The following NOS1 variants were observed in gnomAD, a reference collection of about 807,000 sequenced individuals.
The protein encoded by NOS1 is nitric oxide synthase 1, also known as NOS type I.
In NOS1, 51 loss-of-function variants were observed where a neutral mutation model predicts 164.5. That is an observed-to-expected ratio of 0.31 (90% CI 0.25 to 0.39). The LOEUF (loss-of-function observed/expected upper bound fraction) is 0.39. Among genes scored for constraint, NOS1 ranks in the 10% least tolerant of loss-of-function variants. The pLI is 1.00. For missense variants in NOS1, 1,362 were observed against 1,885.6 expected, an observed-to-expected ratio of 0.72 and a Z score of 5.14; for synonymous variants, 719 against 745.8, an observed-to-expected ratio of 0.96 and a Z score of 0.59.
intron 3 of NOS1, among the ~76,000 whole-genome samples, chr12:117,304,045 G>A (rs569852803): frequency 3.0e-4 from 45 of 152,210 alleles, no homozygotes; most frequent in East Asian, 2.5e-3. Context: ...GGCGGCGTGC[G>A]CCTGTAGTCC....
intron 20 of NOS1, among the ~76,000 whole-genome samples, chr12:117,240,521 T>C (rs1053032308): frequency 1.3e-5 from 2 of 152,232 alleles, no homozygotes; most frequent in African/African-American, 2.4e-5. Flanking sequence ...GTGTAGCCAT[T>C]TGGCACACTG....
chr12:117,238,601 C>T (rs1219753613), intron 20 of NOS1, among the ~76,000 whole-genome samples: 3 of 152,042 alleles, frequency 2.0e-5, no homozygotes, highest in Non-Finnish European at 1.5e-5. Flanking sequence ...ACTGCAACCT[C>T]CACCTCCCAG....
chr12:117,276,791 T>G (rs754871223), intron 9 of NOS1, among the ~76,000 whole-genome samples: 13 of 152,238 alleles, frequency 8.5e-5, no homozygotes, highest in African/African-American at 4.8e-5. Flanking sequence ...GTTCCATCCA[T>G]GTTGTTACAA....
chr12:117,284,007 C>G (rs4767529), intron 7 of NOS1, among the ~76,000 whole-genome samples: 54,194 of 151,870 alleles, frequency 0.36, 9,853 homozygotes, highest in Middle Eastern at 0.41. Context: ...TTGGGAAAGA[C>G]ACCTAAATAC....
At chr12:117,335,414 A>G in intron 1 of NOS1, among the ~76,000 whole-genome samples, 1 of 152,172 alleles carries the variant, frequency 6.6e-6, no homozygotes, top group East Asian at 1.9e-4. Context: ...TGGAAACAAT[A>G]CTTGGACCCA....
rs564388160 is a variant in NOS1 at position 117,257,080 on chromosome 12, A to T, written c.2531+1317T>A. 3.7e-4 allele frequency among the ~76,000 whole-genome samples: 56 copies of T among 152,002 alleles called. No individual in the cohort carries two copies. In the East Asian group the frequency reaches 4.3e-3, roughly 12 times the overall value. On this transcript the variant is annotated intron_variant, in intron 16 of 28. Coordinates refer to ENST00000317775, the MANE Select transcript of NOS1 (RefSeq NM_000620.5). ...ACAGCGAAACTTCATCTCAAAAAAA[A>T]TTTTTTTATTTTTATTTTTTAGAGA...
At chr12:117,262,751 G>T (rs528645077) in intron 13 of NOS1, among the ~76,000 whole-genome samples, 1 of 89,638 alleles carries the variant, frequency 1.1e-5, no homozygotes, top group Non-Finnish European at 2.3e-5. Context: ...TTGGTAAGTG[G>T]ATCAGTGGGG....
chr12:117,211,808 G>A lies in NOS1; in HGVS notation c.*3501C>T, dbSNP rs1956532578. 4.1e-6 allele frequency: 4 copies of A among 984,982 alleles called. No homozygotes were observed. The highest frequency in any genetic ancestry group is 6.2e-5 in the Admixed American group (1 of 16,256). The allele number at this position is 984,982 out of a possible 1,614,324, so 61.0% of individuals were successfully genotyped here. A position where few individuals can be genotyped will look rare whatever the true frequency, so the allele number is the denominator to read the frequency against. Reference sequence around the variant, plus strand: ...TGGCTGGGCGTGGTGGCTCATGCCTGTAATCCAGCACTTTGGGAGGCTGAG... The same window carrying A: ...TGGCTGGGCGTGGTGGCTCATGCCTATAATCCAGCACTTTGGGAGGCTGAG... On this transcript the variant is annotated 3_prime_UTR_variant, in exon 29 of 29. Coordinates refer to ENST00000317775, the MANE Select transcript of NOS1 (RefSeq NM_000620.5).
chr12:117,262,308 C>T lies in NOS1; in HGVS notation c.2222+1581G>A, dbSNP rs1157464309. Among the ~76,000 whole-genome samples the T allele has an allele frequency of 2.0e-5, 3 of 151,900 alleles. No individual in the cohort carries two copies. In the East Asian group the frequency reaches 5.8e-4, roughly 29 times the overall value. ...GACAGTGGAGCTGAACTGAAGCCAA[C>T]AATTGCCCTCCCTGAGAATATCTGA... On this transcript the variant is annotated intron_variant, in intron 13 of 28. Coordinates refer to ENST00000317775, the MANE Select transcript of NOS1 (RefSeq NM_000620.5).
intron 3 of NOS1, among the ~76,000 whole-genome samples, chr12:117,296,277 C>G (rs1260473066): frequency 6.6e-6 from 1 of 152,156 alleles, no homozygotes; most frequent in Non-Finnish European, 1.5e-5. Flanking sequence ...ATAGTTAATA[C>G]TGAGTGTCAA....
In NOS1 at chr12:117,305,745, T is replaced by C. The variant is rs112951943; in HGVS notation, c.852+5721A>G. On this transcript the variant is annotated intron_variant, in intron 3 of 28. Coordinates refer to ENST00000317775, the MANE Select transcript of NOS1 (RefSeq NM_000620.5). The stretch of plus-strand genomic sequence containing the variant: ...CTATTTCTGAGAGGCATTTGGAAAA[T>C]TGAATCTCAGACAACAGAGCCAGGA... 2.7e-3 allele frequency among the ~76,000 whole-genome samples: 414 copies of C among 151,652 alleles called. 6 individuals are homozygous for C. The highest frequency in any genetic ancestry group is 0.012 in the Admixed American group (189 of 15,212).
intron 24 of NOS1, 70 bp from the exon 25 acceptor site, chr12:117,225,207 T>A: frequency 6.5e-7 from 1 of 1,542,518 alleles, no homozygotes; most frequent in South Asian, 1.3e-5. Flanking sequence ...GAATCTTAGG[T>A]AGACCAGGTG....
chr12:117,264,294 CA>C (rs1347094073), intron 12 of NOS1, among the ~76,000 whole-genome samples: 1 of 151,974 alleles, frequency 6.6e-6, no homozygotes, highest in African/African-American at 2.4e-5. Context: ...TCTTAAGAGA[CA>C]GGGGTCTCAC....
chr12:117,339,706 A>T (rs1876007092), intron 1 of NOS1, among the ~76,000 whole-genome samples: 1 of 152,242 alleles, frequency 6.6e-6, no homozygotes, highest in Non-Finnish European at 1.5e-5. Flanking sequence ...TTAAATAAGC[A>T]GGAGATTAGA....
At chr12:117,355,836 T>C (rs1876829616) in intron 1 of NOS1, among the ~76,000 whole-genome samples, 1 of 152,194 alleles carries the variant, frequency 6.6e-6, no homozygotes. Context: ...CTCGGCTCAC[T>C]GCAACCTCCG....
At chr12:117,293,457 C>T (rs563273016) in intron 3 of NOS1, among the ~76,000 whole-genome samples, 2 of 152,262 alleles carry the variant, frequency 1.3e-5, no homozygotes, top group Admixed American at 6.5e-5. Context: ...AATCCATTCA[C>T]TCCTCTCCCC....
At chr12:117,329,659 A>T (rs9658282) in intron 2 of NOS1, among the ~76,000 whole-genome samples, 124,398 of 152,050 alleles carry the variant, frequency 0.82, 51,039 homozygotes, top group South Asian at 0.85. Context: ...CCAGCTTTCC[A>T]CCTGCAGAGA....
chr12:117,267,377 A>G (rs1401581584), intron 11 of NOS1, among the ~76,000 whole-genome samples: 1 of 152,202 alleles, frequency 6.6e-6, no homozygotes, highest in Non-Finnish European at 1.5e-5. Context: ...ACCTGAAGTC[A>G]GGAGTTCAAG....
intron 9 of NOS1, among the ~76,000 whole-genome samples, chr12:117,273,659 C>T (rs898500252): frequency 1.3e-5 from 2 of 151,978 alleles, no homozygotes; most frequent in Non-Finnish European, 2.9e-5. Flanking sequence ...TTTATTTATA[C>T]AATATTTTAA....
Sources: gnomAD v4.1 joint callset for allele counts (sites outside exome capture counted in the v4.1 genomes callset) on GRCh38, gnomAD v4.1.1 for gene constraint, MANE v1.5 for transcripts, NCBI Gene and HGNC (gene_info 2026-07-23, HGNC 2026-07-21) for gene names.